RBFOX1: variants seen among roughly 807,000 people sequenced by gnomAD.
RBFOX1 encodes RNA binding protein fox-1 homolog 1.
RBFOX1 carries 8 observed loss-of-function variants against 57.7 expected under a neutral mutation model. That is an observed-to-expected ratio of 0.14 (90% CI 0.08 to 0.25). The LOEUF is 0.25. Among genes scored for constraint, RBFOX1 ranks in the 10% least tolerant of loss-of-function variants. RBFOX1 has a pLI of 1.00. For missense variants in RBFOX1, 611 were observed against 548.5 expected (o/e 1.11, Z -1.14); for synonymous variants, 326 against 222.4 (o/e 1.47, Z -4.15).
At position 6,676,796 on chromosome 16, in the gene RBFOX1, C is replaced by T. The variant is rs542256003; in HGVS notation, c.-16+22146C>T. On this transcript the variant is annotated intron_variant, in intron 3 of 15. Transcript: ENST00000550418. Reference sequence around the variant, plus strand: ...GTTGAAGCATTTCTCCTGCCTCAGCCTCCCTAGTAGCTGGGATTACAGGCA... The same window carrying T: ...GTTGAAGCATTTCTCCTGCCTCAGCTTCCCTAGTAGCTGGGATTACAGGCA... Among the ~76,000 whole-genome samples the T allele has an allele frequency of 1.7e-4, 25 of 151,412 alleles. No individual in the cohort carries two copies. The East Asian group carries it at 4.3e-3, about 26-fold the overall frequency.
At chr16:6,560,973 G>A (rs1204825039) in intron 2 of RBFOX1, among the ~76,000 whole-genome samples, 2 of 152,182 alleles carry the variant, frequency 1.3e-5, no homozygotes, top group Non-Finnish European at 2.9e-5. Context: ...TAGTCAATGT[G>A]CAAATTTCAA....
intron 4 of RBFOX1, among the ~76,000 whole-genome samples, chr16:7,267,175 G>T (rs1348470059): frequency 6.6e-6 from 1 of 152,174 alleles, no homozygotes; most frequent in Non-Finnish European, 1.5e-5. Context: ...GAGGTAGGCA[G>T]GTTGCTTGAG....
At chr16:7,460,389 A>ATATATATGTGTGTGTGTGTG in intron 4 of RBFOX1, among the ~76,000 whole-genome samples, 3 of 87,264 alleles carry the variant, frequency 3.4e-5, no homozygotes, top group African/African-American at 1.3e-4. Context: ...ATATATATAT[A>ATATATATGTGTGTGTGTGTG]TGTGTGTGTG....
At chr16:7,445,327 G>C (rs1219378233) in intron 4 of RBFOX1, among the ~76,000 whole-genome samples, 1 of 152,108 alleles carries the variant, frequency 6.6e-6, no homozygotes, top group Non-Finnish European at 1.5e-5. Context: ...CTGAACAATA[G>C]CACTCCCCGC....
At chr16:6,026,652 G>T (rs1381741977) in intron 1 of RBFOX1, among the ~76,000 whole-genome samples, 1 of 152,222 alleles carries the variant, frequency 6.6e-6, no homozygotes, top group East Asian at 1.9e-4. Flanking sequence ...CAAGGCACTT[G>T]TTTCTATTTA....
chr16:6,773,011 T>G (rs2078625494), intron 3 of RBFOX1, among the ~76,000 whole-genome samples: 1 of 143,604 alleles, frequency 7.0e-6, no homozygotes, highest in Admixed American at 7.0e-5. Context: ...TATGTGTGTG[T>G]GTGTGTGATT....
intron 4 of RBFOX1, among the ~76,000 whole-genome samples, chr16:7,293,178 T>G (rs1053795420): frequency 3.3e-5 from 5 of 152,214 alleles, no homozygotes; most frequent in African/African-American, 1.2e-4. Context: ...AGAAAGAAAT[T>G]GTGTCTGTGC....
chr16:7,096,317 A>G (rs2061686689), intron 4 of RBFOX1, among the ~76,000 whole-genome samples: 1 of 152,192 alleles, frequency 6.6e-6, no homozygotes, highest in Non-Finnish European at 1.5e-5. Flanking sequence ...AGGCAGTCAG[A>G]ACCAGGTGGA....
intron 4 of RBFOX1, among the ~76,000 whole-genome samples, chr16:7,361,575 C>G (rs536695495): frequency 2.0e-5 from 3 of 152,274 alleles, no homozygotes; most frequent in South Asian, 4.1e-4. Context: ...TCCTTTGTAG[C>G]TGTTCCCGGC....
At chr16:6,682,493 T>C (rs552931589) in intron 3 of RBFOX1, among the ~76,000 whole-genome samples, 1 of 152,332 alleles carries the variant, frequency 6.6e-6, no homozygotes, top group South Asian at 2.1e-4. Context: ...TTAATGGTTT[T>C]GTGGTGATGT....
Position 6,154,114 on chromosome 16 carries a change from C to A in RBFOX1, c.-127+134122C>A, listed in dbSNP as rs547114764. Among the ~76,000 whole-genome samples the A allele has an allele frequency of 1.2e-4, 19 of 152,294 alleles. 1 individual carries two copies. In the South Asian group the frequency reaches 3.9e-3, roughly 32 times the overall value. On this transcript the variant is annotated intron_variant, in intron 1 of 15. Transcript: ENST00000550418. ...AGGAAGGGTTTTGAAATCAGATGTT[C>A]CTGCGTCATAATCTCACGCTGACGC...
rs557364619 is a variant in RBFOX1 at position 6,407,662 on chromosome 16, C to T, written c.-64+90605C>T. ...GGCAGCATGGTTTTGACTTATAGTTCCCAGGAGAGACTTTCATTAAACAAA... is the reference window on the plus strand; with the variant it reads ...GGCAGCATGGTTTTGACTTATAGTTTCCAGGAGAGACTTTCATTAAACAAA... On this transcript the variant is annotated intron_variant, in intron 2 of 15. Transcript: ENST00000550418. 9.9e-5 allele frequency among the ~76,000 whole-genome samples: 15 copies of T among 151,700 alleles called. 2 individuals carry two copies. The South Asian group carries it at 2.3e-3, about 23-fold the overall frequency.
chr16:7,671,831 C>T (rs1255772840), intron 13 of RBFOX1, among the ~76,000 whole-genome samples: 2 of 152,166 alleles, frequency 1.3e-5, no homozygotes, highest in Non-Finnish European at 2.9e-5. Flanking sequence ...AATATGGGTG[C>T]TGTTTCCATG....
At chr16:7,615,518 G>A (rs1278802645) in intron 10 of RBFOX1, among the ~76,000 whole-genome samples, 3 of 152,136 alleles carry the variant, frequency 2.0e-5, no homozygotes, top group Non-Finnish European at 4.4e-5. Context: ...GCCAGTGGGT[G>A]CTGACTCTGA....
intron 1 of RBFOX1, among the ~76,000 whole-genome samples, chr16:6,226,539 A>G (rs2097419909): frequency 6.6e-6 from 1 of 152,150 alleles, no homozygotes; most frequent in South Asian, 2.1e-4. Context: ...TTCAAGGCAC[A>G]GACTTTCTGA....
chr16:6,214,945 A>G (rs2097325303), intron 1 of RBFOX1, among the ~76,000 whole-genome samples: 1 of 119,670 alleles, frequency 8.4e-6, no homozygotes, highest in Non-Finnish European at 1.7e-5. Flanking sequence ...GGACAGGGAG[A>G]GAGGGAGAGA....
At chr16:5,546,353 A>G (rs999875256) in intron 2 of RBFOX1, among the ~76,000 whole-genome samples, 1 of 152,208 alleles carries the variant, frequency 6.6e-6, no homozygotes, top group Non-Finnish European at 1.5e-5. Context: ...ATGAAAGACC[A>G]GTAATAACCA....
chr16:7,168,150 A>G (rs912363276), intron 4 of RBFOX1, among the ~76,000 whole-genome samples: 1 of 152,228 alleles, frequency 6.6e-6, no homozygotes, highest in African/African-American at 2.4e-5. Flanking sequence ...AGTCAGCATT[A>G]AAGTTCACTT....
At chr16:5,481,672 G>A (rs998255095) in intron 2 of RBFOX1, among the ~76,000 whole-genome samples, 1 of 152,164 alleles carries the variant, frequency 6.6e-6, no homozygotes, top group African/African-American at 2.4e-5. Flanking sequence ...ATTAGTTTGC[G>A]AGGGCTGCCA....
Sources: gnomAD v4.1 joint callset for allele counts (sites outside exome capture counted in the v4.1 genomes callset) on GRCh38, gnomAD v4.1.1 for gene constraint, MANE v1.5 for transcripts, NCBI Gene and HGNC (gene_info 2026-07-23, HGNC 2026-07-21) for gene names.